The following LYPLAL1 variants were observed in gnomAD, a reference collection of about 807,000 sequenced individuals.
The protein encoded by LYPLAL1 is lysophospholipase like 1.
Under a neutral mutation model 19.7 loss-of-function variants are expected in LYPLAL1, and 23 were observed. The observed-to-expected ratio is 1.17, with a 90% CI of 0.84 to 1.65. LYPLAL1 has a LOEUF of 1.65. LYPLAL1 is among the 40% of genes most tolerant of loss of function. LYPLAL1 has a pLI of 0.00. For synonymous variants in LYPLAL1, 119 were observed against 96.3 expected (o/e 1.24, Z -1.38); for missense variants, 355 against 279.4 (o/e 1.27, Z -1.93).
downstream of LYPLAL1, among the ~76,000 whole-genome samples, chr1:219,214,333 T>A (rs1659210726): frequency 6.6e-6 from 1 of 152,194 alleles, no homozygotes; most frequent in Non-Finnish European, 1.5e-5. Context: ...CTGCAGTTTT[T>A]GCTTGTTTTG....
the LYPLAL1 span, among the ~76,000 whole-genome samples, chr1:219,282,719 AT>A: frequency 1.1e-4 from 16 of 151,964 alleles, no homozygotes; most frequent in South Asian, 6.2e-4. Context: ...TGAGAATTCT[AT>A]TTTTTTTCCA....
At chr1:219,412,519 T>C in the LYPLAL1 span, among the ~76,000 whole-genome samples, 1 of 152,218 alleles carries the variant, frequency 6.6e-6, no homozygotes, top group Non-Finnish European at 1.5e-5. Flanking sequence ...GTGAGTCAGA[T>C]GCATAGCATG....
At chr1:219,185,182 T>G (rs1456450219) in intron 2 of LYPLAL1, among the ~76,000 whole-genome samples, 1 of 151,930 alleles carries the variant, frequency 6.6e-6, no homozygotes, top group Non-Finnish European at 1.5e-5. Flanking sequence ...GTCAAATTTA[T>G]TGACAAAAAG....
chr1:219,321,198 G>C, the LYPLAL1 span, among the ~76,000 whole-genome samples: 2 of 152,162 alleles, frequency 1.3e-5, no homozygotes, highest in African/African-American at 4.8e-5. Context: ...TCAGTGATGA[G>C]GAGCAGTTTT....
At chr1:219,335,184 C>G in the LYPLAL1 span, among the ~76,000 whole-genome samples, 1 of 151,948 alleles carries the variant, frequency 6.6e-6, no homozygotes, top group African/African-American at 2.4e-5. Flanking sequence ...TTTCTCAGCT[C>G]TATTTTCAAT....
chr1:219,444,774 T>C, the LYPLAL1 span, among the ~76,000 whole-genome samples: 1 of 152,220 alleles, frequency 6.6e-6, no homozygotes, highest in South Asian at 2.1e-4. Flanking sequence ...GATGTTAAAC[T>C]AAGCCCCTGG....
the LYPLAL1 span, among the ~76,000 whole-genome samples, chr1:219,238,397 C>T: frequency 6.9e-6 from 1 of 144,234 alleles, no homozygotes; most frequent in South Asian, 2.2e-4. Context: ...GTGATCTGCT[C>T]GTCTCGGCCT....
the LYPLAL1 span, among the ~76,000 whole-genome samples, chr1:219,364,479 C>A: frequency 6.6e-6 from 1 of 152,084 alleles, no homozygotes; most frequent in Non-Finnish European, 1.5e-5. Flanking sequence ...TGATTAATCT[C>A]TCTAATGTAG....
chr1:219,270,411 T>A, the LYPLAL1 span, among the ~76,000 whole-genome samples: 1 of 152,186 alleles, frequency 6.6e-6, no homozygotes, highest in Non-Finnish European at 1.5e-5. Flanking sequence ...CTGATTTACA[T>A]AGGGCATGAA....
At chr1:219,428,040 C>T in the LYPLAL1 span, among the ~76,000 whole-genome samples, 5 of 152,108 alleles carry the variant, frequency 3.3e-5, no homozygotes, top group African/African-American at 1.2e-4. Flanking sequence ...GCCATAAAAC[C>T]ATAAAGCAGA....
the LYPLAL1 span, chr1:219,222,591 A>C: frequency 6.6e-6 from 1 of 152,124 alleles, no homozygotes; most frequent in Non-Finnish European, 1.5e-5. Context: ...AGTAACCATC[A>C]TGCACACCAC....
chr1:219,396,802 G>A, the LYPLAL1 span, among the ~76,000 whole-genome samples: 1 of 152,200 alleles, frequency 6.6e-6, no homozygotes, highest in South Asian at 2.1e-4. Flanking sequence ...ATCTGGAGGA[G>A]CTTTTGGGCC....
the LYPLAL1 span, among the ~76,000 whole-genome samples, chr1:219,286,245 A>G: frequency 6.6e-6 from 1 of 152,182 alleles, no homozygotes; most frequent in Non-Finnish European, 1.5e-5. Context: ...TCCTAGGGCC[A>G]TGAGATCATT....
At chr1:219,209,410 C>T (rs1052945298) in intron 3 of LYPLAL1, among the ~76,000 whole-genome samples, 5 of 151,840 alleles carry the variant, frequency 3.3e-5, no homozygotes, top group African/African-American at 4.8e-5. Context: ...GCAAAAGATC[C>T]GAATTCCAAA....
chr1:219,191,966 T>C (rs1657219779), intron 2 of LYPLAL1, among the ~76,000 whole-genome samples: 1 of 151,658 alleles, frequency 6.6e-6, no homozygotes, highest in South Asian at 2.1e-4. Context: ...GTTTTTTTTT[T>C]AGTTTCTCTG....
the LYPLAL1 span, among the ~76,000 whole-genome samples, chr1:219,292,580 G>T: frequency 6.6e-6 from 1 of 152,106 alleles, no homozygotes; most frequent in Admixed American, 6.5e-5. Flanking sequence ...AAACCTTGCT[G>T]CCCTCATTTC....
chr1:219,211,834 TGAC>T lies in LYPLAL1; in HGVS notation c.*107_*109del. The T allele has an allele frequency of 1.4e-6, 1 of 729,634 alleles. No individual in the cohort carries two copies. The highest frequency in any genetic ancestry group is 2.2e-6 in the Non-Finnish European group (1 of 464,580). The allele number at this position is 729,634 out of a possible 1,614,324, so 45.2% of individuals were successfully genotyped here. ...AAAATATTAAGAAATAACACTTTCC[TGAC>T]TTTTTTATTATTAAAATGCTTATCA... On this transcript the variant is annotated 3_prime_UTR_variant, in exon 5 of 5. Transcript: ENST00000366928.
At chr1:219,294,842 G>A in the LYPLAL1 span, among the ~76,000 whole-genome samples, 1 of 152,214 alleles carries the variant, frequency 6.6e-6, no homozygotes, top group Non-Finnish European at 1.5e-5. Context: ...AAGTTGAACT[G>A]CAATGAAGTT....
At chr1:219,313,426 A>G in the LYPLAL1 span, among the ~76,000 whole-genome samples, 1 of 152,226 alleles carries the variant, frequency 6.6e-6, no homozygotes, top group Non-Finnish European at 1.5e-5. Flanking sequence ...TTTCAGCAGC[A>G]TACCCAAATT....
Sources: allele counts gnomAD v4.1 joint callset (sites outside exome capture counted in the v4.1 genomes callset), GRCh38; gene constraint gnomAD v4.1.1; transcripts MANE v1.5; gene names NCBI Gene and HGNC (gene_info 2026-07-23, HGNC 2026-07-21).